Variants in IL12RB2 observed in about 807,000 individuals in gnomAD.
IL12RB2 encodes interleukin-12 receptor subunit beta-2.
A neutral mutation model predicts 89.4 loss-of-function variants in IL12RB2; 82 were observed. The ratio of observed to expected loss-of-function variants is 0.92; its 90% CI spans 0.77 to 1.10. IL12RB2 has a LOEUF of 1.10. IL12RB2 is among the 50% of genes least tolerant of loss of function. IL12RB2 has a pLI of 0.00. For missense variants in IL12RB2, 963 were observed against 1,031.9 expected, an observed-to-expected ratio of 0.93 and a Z score of 0.92; for synonymous variants, 368 against 370.1, an observed-to-expected ratio of 0.99 and a Z score of 0.07.
At chr1:67,363,905 GACAA>G (rs2100952053) in intron 10 of IL12RB2, among the ~76,000 whole-genome samples, 1 of 152,228 alleles carries the variant, frequency 6.6e-6, no homozygotes, top group Non-Finnish European at 1.5e-5. Context: ...GAAAAAGAAT[GACAA>G]ACAAAATGAG....
At chr1:67,352,954 A>G (rs534112339) in intron 10 of IL12RB2, among the ~76,000 whole-genome samples, 1 of 152,304 alleles carries the variant, frequency 6.6e-6, no homozygotes, top group Admixed American at 6.5e-5. Context: ...TATGTAACAA[A>G]CTTTAAATTA....
At chr1:67,393,888 CT>C (rs1666088315) in intron 16 of IL12RB2, among the ~76,000 whole-genome samples, 1 of 110,044 alleles carries the variant, frequency 9.1e-6, no homozygotes, top group African/African-American at 2.7e-5. Flanking sequence ...CATCCTACTC[CT>C]CCTGTAAGAC....
intron 2 of IL12RB2, among the ~76,000 whole-genome samples, chr1:67,317,410 C>T (rs1655918402): frequency 6.6e-6 from 1 of 152,196 alleles, no homozygotes; most frequent in Admixed American, 6.5e-5. Context: ...TAGAAGCTGT[C>T]ACATTCATTG....
chr1:67,324,584 C>T (rs984549326), intron 4 of IL12RB2, among the ~76,000 whole-genome samples: 3 of 152,162 alleles, frequency 2.0e-5, no homozygotes, highest in Admixed American at 1.3e-4. Context: ...CTCCTGGGCT[C>T]AAGCTGTCTG....
At chr1:67,337,224 A>G (rs1249245326) in intron 8 of IL12RB2, among the ~76,000 whole-genome samples, 2 of 152,056 alleles carry the variant, frequency 1.3e-5, no homozygotes, top group Non-Finnish European at 2.9e-5. Context: ...AATTTTCTAG[A>G]AATTTCCATC....
intron 1 of IL12RB2, among the ~76,000 whole-genome samples, chr1:67,308,289 T>C (rs1378456272): frequency 6.6e-6 from 1 of 151,714 alleles, no homozygotes; most frequent in Admixed American, 6.6e-5. Flanking sequence ...CACAGAGTGG[T>C]GGGCTCAAAC....
chr1:67,322,964 G>A (rs1300274993), intron 4 of IL12RB2, among the ~76,000 whole-genome samples: 2 of 152,180 alleles, frequency 1.3e-5, no homozygotes, highest in African/African-American at 2.4e-5. Context: ...GTGCCTCAGT[G>A]GTTCCAAGGA....
intron 9 of IL12RB2, among the ~76,000 whole-genome samples, chr1:67,340,148 T>C (rs1218936160): frequency 6.6e-6 from 1 of 152,192 alleles, no homozygotes; most frequent in African/African-American, 2.4e-5. Flanking sequence ...CTCCTCCCTG[T>C]CTCTCTCACA....
At chr1:67,311,018 C>T (rs760767622) in intron 1 of IL12RB2, among the ~76,000 whole-genome samples, 2 of 151,994 alleles carry the variant, frequency 1.3e-5, no homozygotes, top group African/African-American at 4.8e-5. Flanking sequence ...TCACCACGTC[C>T]GTCCAGTAGG....
At chr1:67,320,097 A>G (rs1247696351) in intron 2 of IL12RB2, among the ~76,000 whole-genome samples, 1 of 152,184 alleles carries the variant, frequency 6.6e-6, no homozygotes, top group Non-Finnish European at 1.5e-5. Context: ...GAACTAAGAC[A>G]TCCAAATTCC....
intron 10 of IL12RB2, among the ~76,000 whole-genome samples, chr1:67,357,837 T>TA (rs1317803969): frequency 3.9e-5 from 6 of 151,964 alleles, no homozygotes; most frequent in Non-Finnish European, 8.8e-5. Context: ...CCATAAGGTG[T>TA]AAAAAAATGG....
chr1:67,388,341 A>G (rs1039830451), intron 15 of IL12RB2, among the ~76,000 whole-genome samples: 1 of 152,048 alleles, frequency 6.6e-6, no homozygotes, highest in Non-Finnish European at 1.5e-5. Context: ...ATAAACCACA[A>G]TATTTTTGTT....
intron 15 of IL12RB2, among the ~76,000 whole-genome samples, chr1:67,389,544 T>A (rs1485668136): frequency 2.0e-5 from 3 of 152,220 alleles, no homozygotes. Flanking sequence ...CTATAATACT[T>A]TTTTCTTGGC....
intron 1 of IL12RB2, among the ~76,000 whole-genome samples, chr1:67,308,577 A>T (rs1346915783): frequency 6.6e-6 from 1 of 152,136 alleles, no homozygotes; most frequent in Non-Finnish European, 1.5e-5. Flanking sequence ...CTCTTCTGTG[A>T]AATGCCCCTT....
chr1:67,395,534 T>A lies in IL12RB2; in HGVS notation c.2047-13T>A, dbSNP rs750378854. 1 of 1,614,198 alleles carries A rather than the reference T, an allele frequency of 6.2e-7. No homozygotes were observed. Among genetic ancestry groups the A allele is most frequent in the South Asian group, 1.1e-5 (1 of 91,082 alleles). On this transcript the variant is annotated splice_polypyrimidine_tract_variant and intron_variant, in intron 16 of 16. Transcript: ENST00000674203. Reference sequence around the variant, plus strand: ...TACAGCAGTGTGAGCCTCTTCCTCCTCCTTTCTCTCAGGAGAAGACACAGC... The same window carrying A: ...TACAGCAGTGTGAGCCTCTTCCTCCACCTTTCTCTCAGGAGAAGACACAGC...
intron 4 of IL12RB2, among the ~76,000 whole-genome samples, chr1:67,326,460 T>A (rs922837092): frequency 2.0e-5 from 3 of 152,194 alleles, no homozygotes; most frequent in African/African-American, 7.2e-5. Flanking sequence ...AGTATCTACC[T>A]CATGGGGTGC....
Position 67,392,623 on chromosome 1 carries a change from C to CTT in IL12RB2, c.2046+2520_2046+2521dup, listed in dbSNP as rs527587132. Among the ~76,000 whole-genome samples the CTT allele has an allele frequency of 2.3e-3, 193 of 84,270 alleles. 5 individuals carry two copies. Among genetic ancestry groups the CTT allele is most frequent in the African/African-American group, 5.0e-3 (106 of 21,050 alleles). The allele number at this position is 84,270 out of a possible 152,430, so 55.3% of individuals were successfully genotyped here. ...ATAGTCCCTTTGAACTTTTAGATATCTTTTTTTTTTTTTTTTTTTTTTTTT... is the reference window on the plus strand; with the variant it reads ...ATAGTCCCTTTGAACTTTTAGATATCTTTTTTTTTTTTTTTTTTTTTTTTTTT... On this transcript the variant is annotated intron_variant, in intron 16 of 16. Transcript: ENST00000674203.
intron 16 of IL12RB2, among the ~76,000 whole-genome samples, chr1:67,392,465 T>C (rs906554361): frequency 6.6e-6 from 1 of 152,132 alleles, no homozygotes; most frequent in African/African-American, 2.4e-5. Context: ...AGGGCGATTT[T>C]ACACACACTC....
chr1:67,360,986 T>C (rs1472224369), intron 10 of IL12RB2, among the ~76,000 whole-genome samples: 1 of 151,792 alleles, frequency 6.6e-6, no homozygotes, highest in East Asian at 1.9e-4. Context: ...TCCAATCCCC[T>C]CTATTCTTCT....
Sources: allele counts gnomAD v4.1 joint callset (sites outside exome capture counted in the v4.1 genomes callset), GRCh38; gene constraint gnomAD v4.1.1; transcripts MANE v1.5; gene names NCBI Gene and HGNC (gene_info 2026-07-23, HGNC 2026-07-21).